The following ABCB9 variants were observed in gnomAD, a reference collection of about 807,000 sequenced individuals.
ABCB9 encodes ATP binding cassette subfamily B member 9.
In ABCB9, 36 loss-of-function variants were observed where a neutral mutation model predicts 62.0. The observed-to-expected ratio is 0.58, with a 90% CI of 0.45 to 0.77. The LOEUF is 0.77. ABCB9 is among the 30% of genes least tolerant of loss of function. The pLI is 0.00. For synonymous variants in ABCB9, 435 were observed against 461.4 expected, an observed-to-expected ratio of 0.94 and a Z score of 0.73; for missense variants, 943 against 1,054.7, an observed-to-expected ratio of 0.89 and a Z score of 1.47.
rs1006190893 is a variant in ABCB9 at position 122,930,286 on chromosome 12, G to A, written c.2041-115C>T. On this transcript the variant is annotated intron_variant, in intron 11 of 11. Coordinates refer to ENST00000280560, the MANE Select transcript of ABCB9 (RefSeq NM_019625.4). This position sits in a 1 kb window ranked among gnomAD's most constrained non-coding sequence, Gnocchi z 4.9. The stretch of plus-strand genomic sequence containing the variant: ...CCTCTCTGAGGCTCAGTTCACAAAC[G>A]ATGGCCAGCTTCCTGGGTTTTTCTT... 4.7e-6 allele frequency: 5 copies of A among 1,073,674 alleles called. No homozygotes were observed. Among genetic ancestry groups the A allele is most frequent in the African/African-American group, 1.6e-5 (1 of 63,236 alleles). The allele number at this position is 1,073,674 out of a possible 1,614,324, so 66.5% of individuals were successfully genotyped here. A position where few individuals can be genotyped will look rare whatever the true frequency, so the allele number is the denominator to read the frequency against.
chr12:122,954,504 ATT>A (rs1167603736), intron 2 of ABCB9, among the ~76,000 whole-genome samples: 1 of 148,440 alleles, frequency 6.7e-6, no homozygotes, highest in Non-Finnish European at 1.5e-5. Flanking sequence ...CCTATTTTTT[ATT>A]TTTTGAGACA....
Position 122,947,523 on chromosome 12 carries a change from G to A in ABCB9, c.1053+1101C>T, listed in dbSNP as rs1290219904. ...ATGCATCCAAGCCCCTGCTCTAGAAGTACCCCACGTGGGCCTGGGTGACTG... is the reference window on the plus strand; with the variant it reads ...ATGCATCCAAGCCCCTGCTCTAGAAATACCCCACGTGGGCCTGGGTGACTG... On this transcript the variant is annotated intron_variant, in intron 5 of 11. Coordinates refer to ENST00000280560, the MANE Select transcript of ABCB9 (RefSeq NM_019625.4). The surrounding 1 kb of genome is among the most constrained non-coding windows in gnomAD (Gnocchi z 6.0). The A allele has an allele frequency of 2.2e-6, 1 of 451,778 alleles. No homozygotes were observed. Among genetic ancestry groups the A allele is most frequent in the Non-Finnish European group, 4.5e-6 (1 of 224,120 alleles). 28.0% of individuals were successfully genotyped at this position (451,778 alleles called of 1,614,324 possible). A position where few individuals can be genotyped will look rare whatever the true frequency, so the allele number is the denominator to read the frequency against.
At chr12:122,956,286 C>T (rs1489872659) in intron 2 of ABCB9, among the ~76,000 whole-genome samples, 1 of 152,178 alleles carries the variant, frequency 6.6e-6, no homozygotes, top group Non-Finnish European at 1.5e-5. Context: ...ACTACTATGC[C>T]CATGTCACAG....
intron 4 of ABCB9, chr12:122,949,349 A>T: frequency 5.4e-6 from 1 of 183,696 alleles, no homozygotes; most frequent in South Asian, 1.2e-4. Context: ...TCGTGAGTGG[A>T]GGAACCAGGG....
chr12:122,957,922 C>A (rs2036688798), intron 2 of ABCB9, among the ~76,000 whole-genome samples: 1 of 151,400 alleles, frequency 6.6e-6, no homozygotes, highest in African/African-American at 2.4e-5. Context: ...GTAATCCCAG[C>A]ACCTTGGGAG....
At chr12:122,971,386 C>CAAAAAAAAAAAAAAAAAAAAAAAAAA (rs1325058090), upstream of ABCB9, among the ~76,000 whole-genome samples, 1 of 53,942 alleles carries the variant, frequency 1.9e-5, no homozygotes. Context: ...GACTCCATCT[C>CAAAAAAAAAAAAAAAAAAAAAAAAAA]AAAAAAAAAA....
rs1397721266 is a variant in ABCB9 at position 122,940,602 on chromosome 12, T to C, written c.1569+205A>G. ...ATGGACCATCCCTACCACAGCACCC[T>C]GATCTATTTTCTTTCTAGCACTTAT... On this transcript the variant is annotated intron_variant, in intron 8 of 11. Coordinates refer to ENST00000280560, the MANE Select transcript of ABCB9 (RefSeq NM_019625.4). The surrounding 1 kb of genome is among the most constrained non-coding windows in gnomAD (Gnocchi z 4.8). Among the ~76,000 whole-genome samples the C allele has an allele frequency of 6.6e-6, 1 of 152,168 alleles. No individual in the cohort carries two copies. The highest frequency in any genetic ancestry group is 1.5e-5 in the Non-Finnish European group (1 of 68,018).
Position 122,929,687 on chromosome 12 carries a change from G to A in ABCB9, c.*224C>T. 7.8e-7 allele frequency: 1 copy of A among 1,287,724 alleles called. No individual in the cohort carries two copies. Among genetic ancestry groups the A allele is most frequent in the African/African-American group, 1.5e-5 (1 of 67,442 alleles). 79.8% of individuals were successfully genotyped at this position (1,287,724 alleles called of 1,614,324 possible). A position where few individuals can be genotyped will look rare whatever the true frequency, so the allele number is the denominator to read the frequency against. ...CTCTACCTTTGCTTAGGAGGCTAGG[G>A]AGGTCCGTGAAGGCGTTGGCTCAGG... On this transcript the variant is annotated 3_prime_UTR_variant, in exon 12 of 12. Transcript: ENST00000280560. The surrounding 1 kb of genome is among the most constrained non-coding windows in gnomAD (Gnocchi z 6.0).
At chr12:122,971,654 G>A (rs2037272169) in intron 1 of ABCB9, among the ~76,000 whole-genome samples, 1 of 152,022 alleles carries the variant, frequency 6.6e-6, no homozygotes, top group African/African-American at 2.4e-5. Flanking sequence ...ATTTTGCCAT[G>A]TTGACCAGGC....
chr12:122,946,090 G>A lies in ABCB9; in HGVS notation c.1186C>T (p.Gln396Ter), dbSNP rs768759802. 1.2e-6 allele frequency: 2 copies of A among 1,614,018 alleles called. No homozygotes were observed. Among genetic ancestry groups the A allele is most frequent in the South Asian group, 2.2e-5 (2 of 91,072 alleles). ...TTCCTGTTCAGCTTGTACACCTGCT[G>A]CAGCTTCCGCAGGTACACCTCTGCC... The part of the protein sequence containing the change: ...EEAEVYLRKL[Q>*]QVYKLNRKEA... The change falls in exon 6 of 12, where the codon CAG becomes TAG. Residue 396 changes from glutamine (Q) to a stop codon, truncating the protein, a stop_gained. Coordinates refer to ENST00000280560, the MANE Select transcript of ABCB9 (RefSeq NM_019625.4). LOFTEE classifies it high-confidence loss of function.
chr12:122,932,464 TC>T lies in ABCB9; in HGVS notation c.1904-137del, dbSNP rs2035231057. 5.0e-6 allele frequency: 6 copies of T among 1,197,804 alleles called. No homozygotes were observed. Among genetic ancestry groups the T allele is most frequent in the Middle Eastern group, 2.9e-4 (1 of 3,434 alleles). 74.2% of individuals were successfully genotyped at this position (1,197,804 alleles called of 1,614,324 possible). A position where few individuals can be genotyped will look rare whatever the true frequency, so the allele number is the denominator to read the frequency against. ...AACTTGAAAGCTCATGAAATGATGT[TC>T]CCCCCACCCAACTCATAAGGGGCAT... On this transcript the variant is annotated intron_variant, in intron 10 of 11. Transcript: ENST00000280560. The surrounding 1 kb of genome is among the most constrained non-coding windows in gnomAD (Gnocchi z 4.7).
chr12:122,972,335 G>A (rs991072623), intron 1 of ABCB9, among the ~76,000 whole-genome samples: 1 of 152,096 alleles, frequency 6.6e-6, no homozygotes, highest in African/African-American at 2.4e-5. Context: ...TCTTTAAACT[G>A]GAAACAGCGT....
In ABCB9 at chr12:122,929,998, C is replaced by T. The variant is rs2035053352; in HGVS notation, c.2214G>A (p.Val738=). 1.3e-6 allele frequency: 2 copies of T among 1,577,338 alleles called. No homozygotes were observed. The highest frequency in any genetic ancestry group is 1.7e-6 in the Non-Finnish European group (2 of 1,163,874). ...LAQGGLYAKL[V]QRQMLGLQPA... The stretch of plus-strand genomic sequence containing the variant: ...GCTGAAGCCCCAGCATCTGCCGCTG[C>T]ACCAGCTTGGCGTAGAGGCCGCCCT... The change falls in exon 12 of 12, where the codon GTG becomes GTA. Residue 738 remains valine, a synonymous_variant. Transcript: ENST00000280560. The surrounding 1 kb of genome is among the most constrained non-coding windows in gnomAD (Gnocchi z 6.0).
rs762087639 is a variant in ABCB9, at chr12:122,959,914, G to A, written c.322C>T (p.Arg108Cys). 16 of 1,613,316 alleles carry A rather than the reference G, an allele frequency of 9.9e-6. No individual in the cohort carries two copies. The highest frequency in any genetic ancestry group is 1.6e-4 in the Middle Eastern group (1 of 6,084). The change falls in exon 2 of 12, where the codon CGC becomes TGC. Residue 108 changes from arginine to cysteine, a missense_variant. Coordinates refer to ENST00000280560, the MANE Select transcript of ABCB9 (RefSeq NM_019625.4). The surrounding 1 kb of genome is among the most constrained non-coding windows in gnomAD (Gnocchi z 5.4). ...MVKLLLFSEV[R>C]RPIRDPWFWA... ...AACCAGGGGTCCCGGATGGGCCTGC[G>A]CACCTCTGAGAAGAGCAGCAGCTTC...
downstream of ABCB9, among the ~76,000 whole-genome samples, chr12:122,927,957 A>G (rs1401729154): frequency 6.6e-6 from 1 of 152,182 alleles, no homozygotes; most frequent in Non-Finnish European, 1.5e-5. Flanking sequence ...CCTAAAATCA[A>G]AAAGGAAGTC....
chr12:122,972,546 T>C (rs2037289320), intron 1 of ABCB9, among the ~76,000 whole-genome samples: 1 of 152,150 alleles, frequency 6.6e-6, no homozygotes, highest in Non-Finnish European at 1.5e-5. Flanking sequence ...AGTCTCACTC[T>C]GTCGCCCAGG....
At chr12:122,948,581 C>A in intron 5 of ABCB9, 43 bp downstream of exon 5, 1 of 1,534,982 alleles carries the variant, frequency 6.5e-7, no homozygotes, top group Non-Finnish European at 8.8e-7. Flanking sequence ...TGTTTGGGGG[C>A]TGCCAGGGTG....
intron 5 of ABCB9, among the ~76,000 whole-genome samples, chr12:122,946,690 G>A (rs2135840440): frequency 6.6e-6 from 1 of 152,342 alleles, no homozygotes; most frequent in African/African-American, 2.4e-5. Context: ...AGAGCCTGAG[G>A]GTTGATAAAG....
rs147318444 is a variant in ABCB9, at chr12:122,944,444, C to A, written c.1327G>T (p.Gly443Cys). The change falls in exon 7 of 12, where the codon GGC becomes TGC. Residue 443 changes from glycine (G) to cysteine (C), a missense_variant. Physicochemically the swap from Gly to Cys is radical, Grantham distance 159 (BLOSUM62 -3). Transcript: ENST00000280560. The surrounding 1 kb of genome is among the most constrained non-coding windows in gnomAD (Gnocchi z 4.9). ...HLVISGQMTSGNLIAFIIYEF... is the reference protein window; with the variant it reads ...HLVISGQMTSCNLIAFIIYEF... ...TAGATGATGAAGGCGATGAGGTTGC[C>A]GCTGGTCATCTGGCCTGAGATGACA... The A allele has an allele frequency of 1.2e-6, 2 of 1,613,890 alleles. No individual in the cohort carries two copies. Among genetic ancestry groups the A allele is most frequent in the Non-Finnish European group, 1.7e-6 (2 of 1,179,980 alleles).
Sources: gnomAD v4.1 joint callset for allele counts (sites outside exome capture counted in the v4.1 genomes callset) on GRCh38, gnomAD v4.1.1 for gene constraint, Gnocchi (gnomAD v3.1) non-coding constraint, MANE v1.5 for transcripts, NCBI Gene and HGNC (gene_info 2026-07-23, HGNC 2026-07-21) for gene names.